Variants in MAST4 observed in about 807,000 individuals in gnomAD.
The protein encoded by MAST4 is microtubule-associated serine/threonine-protein kinase 4.
In MAST4, 89 loss-of-function variants were observed where a neutral mutation model predicts 162.7. The observed-to-expected ratio is 0.55, with a 90% confidence interval of 0.46 to 0.65. The LOEUF (loss-of-function observed/expected upper bound fraction) is 0.65. Ranked by LOEUF, MAST4 falls within the 30% of genes least tolerant of loss-of-function variation. The probability of loss-of-function intolerance (pLI) is 0.00; values close to 1 mark genes in which losing one functional copy is unlikely to be tolerated. For missense variants in MAST4, 3,153 were observed against 3,374.0 expected (o/e 0.93, Z 1.62); for synonymous variants, 1,479 against 1,361.1 (o/e 1.09, Z -1.91).
intron 4 of MAST4, among the ~76,000 whole-genome samples, chr5:66,977,061 T>C (rs571049861): frequency 4.6e-5 from 7 of 152,314 alleles, no homozygotes; most frequent in Non-Finnish European, 8.8e-5. Flanking sequence ...AGGGCTGATA[T>C]AGAAAGTCTC....
At chr5:66,622,753 A>G (rs1461134584) in intron 1 of MAST4, 6 of 152,266 alleles carry the variant, frequency 3.9e-5, no homozygotes, top group Non-Finnish European at 8.8e-5. Context: ...GTTTTTGGCC[A>G]GGTGAACTCA....
chr5:66,913,530 A>G (rs1763910692), intron 4 of MAST4, among the ~76,000 whole-genome samples: 1 of 152,156 alleles, frequency 6.6e-6, no homozygotes, highest in African/African-American at 2.4e-5. Flanking sequence ...TTGCCACTGG[A>G]CATTTGGGTT....
At chr5:66,896,520 A>G (rs1217780968) in intron 3 of MAST4, among the ~76,000 whole-genome samples, 3 of 152,228 alleles carry the variant, frequency 2.0e-5, no homozygotes, top group Middle Eastern at 3.2e-3. Flanking sequence ...AGAAGGGAGT[A>G]TCTACATGTA....
Position 67,110,163 on chromosome 5 carries a change from T to C in MAST4, c.1422T>C (p.Ile474=), listed in dbSNP as rs370084445. 3.1e-6 allele frequency: 5 copies of C among 1,613,616 alleles called. No individual in the cohort carries two copies. In the African/African-American group the frequency reaches 6.7e-5, roughly 22 times the overall value. ...AACAACTAGTTCGAAAGATCCTAAT[T>C]GTTATTGCCCGCCCTGCTCGGTTAT... is the stretch of plus-strand genomic sequence containing the variant. ...FIKQLVRKIL[I]VIARPARLLE... is the part of the protein sequence containing the mutation. Residue 474 remains isoleucine (I), a synonymous_variant, in exon 11 of 29, where the codon ATT becomes ATC. Transcript: ENST00000403625.
At chr5:66,751,062 C>T (rs1476450787) in intron 1 of MAST4, among the ~76,000 whole-genome samples, 4 of 152,038 alleles carry the variant, frequency 2.6e-5, no homozygotes, top group East Asian at 1.9e-4. Context: ...GCAGGGTATT[C>T]GAACAGACCT....
intron 1 of MAST4, among the ~76,000 whole-genome samples, chr5:66,731,004 T>TG (rs1751815817): frequency 6.6e-6 from 1 of 152,202 alleles, no homozygotes; most frequent in Non-Finnish European, 1.5e-5. Flanking sequence ...AAGTAGGTAT[T>TG]GGAACTTTAA....
intron 25 of MAST4, among the ~76,000 whole-genome samples, 196 bp downstream of exon 25, chr5:67,153,062 G>A (rs1198224123): frequency 1.3e-5 from 2 of 152,186 alleles, no homozygotes; most frequent in Non-Finnish European, 1.5e-5. Flanking sequence ...TCATAATTCT[G>A]TCCAGTTTTC....
rs562002366 is a variant in MAST4 at position 67,025,267 on chromosome 5, A to G, written c.675-29137A>G. On this transcript the variant is annotated intron_variant, in intron 4 of 28. Transcript: ENST00000403625. The stretch of plus-strand genomic sequence containing the variant: ...GTTCTTTATTAGCACATCAGATATC[A>G]AGATCTAGAGGCATGTCTAGTAACT... 2.6e-5 allele frequency among the ~76,000 whole-genome samples: 4 copies of G among 152,316 alleles called. No homozygotes were observed. The South Asian group carries it at 8.3e-4, about 32-fold the overall frequency.
At chr5:67,152,350 A>G (rs1167075534) in intron 24 of MAST4, among the ~76,000 whole-genome samples, 1 of 152,228 alleles carries the variant, frequency 6.6e-6, no homozygotes, top group Non-Finnish European at 1.5e-5. Flanking sequence ...TTTAATAAGC[A>G]TAGAAACTAA....
At chr5:66,640,862 C>A (rs986668515) in intron 1 of MAST4, among the ~76,000 whole-genome samples, 4 of 152,086 alleles carry the variant, frequency 2.6e-5, no homozygotes, top group Non-Finnish European at 5.9e-5. Context: ...ACCAGGGTTC[C>A]CTTTTCCCTA....
intron 4 of MAST4, among the ~76,000 whole-genome samples, chr5:67,030,349 T>A (rs1755155965): frequency 6.6e-6 from 1 of 152,138 alleles, no homozygotes; most frequent in Non-Finnish European, 1.5e-5. Context: ...AAACTTTGGC[T>A]TGAACCAGGT....
At chr5:67,080,663 T>C (rs1762493827) in intron 5 of MAST4, among the ~76,000 whole-genome samples, 1 of 152,040 alleles carries the variant, frequency 6.6e-6, no homozygotes, top group South Asian at 2.1e-4. Context: ...GAGTGAATAC[T>C]CTTAGTTTTG....
At chr5:66,665,881 A>ACATAGAAAATAGTC (rs1747224324) in intron 1 of MAST4, among the ~76,000 whole-genome samples, 4 of 152,210 alleles carry the variant, frequency 2.6e-5, no homozygotes, top group South Asian at 2.1e-4. Flanking sequence ...AGTGCCTAGC[A>ACATAGAAAATAGTC]CATAGAAAAT....
intron 4 of MAST4, among the ~76,000 whole-genome samples, chr5:66,979,665 G>A (rs1748548595): frequency 6.6e-6 from 1 of 152,178 alleles, no homozygotes; most frequent in Admixed American, 6.5e-5. Context: ...TGGCTGTCAA[G>A]AGACCAAATG....
At chr5:67,156,004 G>A (rs567269001) in intron 26 of MAST4, among the ~76,000 whole-genome samples, 7 of 151,424 alleles carry the variant, frequency 4.6e-5, no homozygotes, top group Admixed American at 6.6e-5. Context: ...GGTTGCAGTG[G>A]GCCAAGATAG....
rs965464759 is a variant in MAST4 at position 66,966,681 on chromosome 5, T to C, written c.674+66699T>C. Among the ~76,000 whole-genome samples the C allele has an allele frequency of 5.3e-5, 8 of 152,278 alleles. No individual in the cohort carries two copies. In the South Asian group the frequency reaches 1.5e-3, roughly 28 times the overall value. Reference sequence around the variant, plus strand: ...CCTAGAAGGTGGTATTCTGACTGTATCTAACAATAGGGAAGCCTGGGAAAT... The same window carrying C: ...CCTAGAAGGTGGTATTCTGACTGTACCTAACAATAGGGAAGCCTGGGAAAT... On this transcript the variant is annotated intron_variant, in intron 4 of 28. Transcript: ENST00000403625.
At chr5:66,809,126 G>A (rs1215448808) in intron 3 of MAST4, among the ~76,000 whole-genome samples, 1 of 152,156 alleles carries the variant, frequency 6.6e-6, no homozygotes, top group Non-Finnish European at 1.5e-5. Context: ...CTTTCTTGAT[G>A]CCTTTCTCTA....
At position 67,057,943 on chromosome 5, in the gene MAST4, A is replaced by T. The variant is rs904640674; in HGVS notation, c.763+3451A>T. Reference sequence around the variant, plus strand: ...GAAATGATATGTCATTGCAATTATAAAAAAAAAAAAAAAGTGGCCAGGCAC... The same window carrying T: ...GAAATGATATGTCATTGCAATTATATAAAAAAAAAAAAAGTGGCCAGGCAC... On this transcript the variant is annotated intron_variant, in intron 5 of 28. Transcript: ENST00000403625. Among the ~76,000 whole-genome samples, 638 of 82,682 alleles carry T rather than the reference A, an allele frequency of 7.7e-3. 9 individuals carry two copies. Among genetic ancestry groups the T allele is most frequent in the African/African-American group, 0.034 (572 of 16,884 alleles). The allele number at this position is 82,682 out of a possible 152,430, so 54.2% of individuals were successfully genotyped here. A position where few individuals can be genotyped will look rare whatever the true frequency, so the allele number is the denominator to read the frequency against.
At chr5:66,731,080 C>A (rs1751819842) in intron 1 of MAST4, among the ~76,000 whole-genome samples, 1 of 152,160 alleles carries the variant, frequency 6.6e-6, no homozygotes, top group Non-Finnish European at 1.5e-5. Context: ...TATCCCACCT[C>A]TGAAAATTAT....
Sources: gnomAD v4.1 joint callset for allele counts (sites outside exome capture counted in the v4.1 genomes callset) on GRCh38, gnomAD v4.1.1 for gene constraint, MANE v1.5 for transcripts, NCBI Gene and HGNC (gene_info 2026-07-23, HGNC 2026-07-21) for gene names.